GRIK4: variants seen among roughly 807,000 people sequenced by gnomAD.
GRIK4 encodes the protein glutamate ionotropic receptor kainate type subunit 4.
Under a neutral mutation model 104.9 loss-of-function variants are expected in GRIK4, and 40 were observed. That is an observed-to-expected ratio of 0.38 (90% confidence interval 0.30 to 0.50). GRIK4 has a LOEUF of 0.50. GRIK4 is among the 20% of genes least tolerant of loss of function. GRIK4 has a pLI of 0.93. For synonymous variants in GRIK4, 485 were observed against 524.9 expected, an observed-to-expected ratio of 0.92 and a Z score of 1.04; for missense variants, 1,047 against 1,308.1, an observed-to-expected ratio of 0.80 and a Z score of 3.08.
At chr11:120,957,345 C>T (rs1475151071) in intron 16 of GRIK4, among the ~76,000 whole-genome samples, 1 of 152,230 alleles carries the variant, frequency 6.6e-6, no homozygotes, top group Non-Finnish European at 1.5e-5. Flanking sequence ...AGGAGGAAGC[C>T]AGCCTGGCTG....
intron 3 of GRIK4, among the ~76,000 whole-genome samples, chr11:120,761,458 T>A (rs1444893687): frequency 6.6e-6 from 1 of 152,258 alleles, no homozygotes; most frequent in Non-Finnish European, 1.5e-5. Context: ...TTTAATTAGA[T>A]CCCATTTGTC....
At chr11:120,682,137 G>A (rs1950202123) in intron 3 of GRIK4, among the ~76,000 whole-genome samples, 1 of 152,230 alleles carries the variant, frequency 6.6e-6, no homozygotes, top group South Asian at 2.1e-4. Context: ...GACAGGGGCA[G>A]TGATTTCCAA....
chr11:120,908,860 G>A (rs1482797686), intron 13 of GRIK4, among the ~76,000 whole-genome samples: 2 of 152,214 alleles, frequency 1.3e-5, no homozygotes, highest in Non-Finnish European at 2.9e-5. Flanking sequence ...AAAGAAGTTG[G>A]TTCCCAAGAC....
chr11:120,636,978 T>C (rs35801991), intron 1 of GRIK4, among the ~76,000 whole-genome samples: 72,485 of 152,084 alleles, frequency 0.48, 17,509 homozygotes, highest in East Asian at 0.56. Flanking sequence ...CCCCCAGTGA[T>C]AAGCTGGTGC....
chr11:120,746,013 G>GT (rs1406801645), intron 3 of GRIK4, among the ~76,000 whole-genome samples: 1 of 152,134 alleles, frequency 6.6e-6, no homozygotes, highest in Non-Finnish European at 1.5e-5. Context: ...ACTTGGGGAT[G>GT]TTTTTTTAAC....
At chr11:120,714,416 A>G (rs1175889837) in intron 3 of GRIK4, among the ~76,000 whole-genome samples, 2 of 152,110 alleles carry the variant, frequency 1.3e-5, no homozygotes, top group African/African-American at 2.4e-5. Context: ...TTCAGCAGTT[A>G]TTTATTGAAC....
At chr11:120,907,290 G>C (rs1942889582) in intron 13 of GRIK4, among the ~76,000 whole-genome samples, 1 of 152,084 alleles carries the variant, frequency 6.6e-6, no homozygotes. Flanking sequence ...TGACTGGTAG[G>C]GTGACTTCAG....
At chr11:120,868,477 G>A (rs1398533104) in intron 9 of GRIK4, 1 of 140,464 alleles carries the variant, frequency 7.1e-6, no homozygotes, top group Non-Finnish European at 1.5e-5. Context: ...AGAGGCCATG[G>A]AAAGACAGAA....
chr11:120,555,496 C>T lies in GRIK4; in HGVS notation c.-159+43609C>T, dbSNP rs1470976916. Among the ~76,000 whole-genome samples, 1 of 152,352 alleles carries T rather than the reference C, an allele frequency of 6.6e-6. No homozygotes were observed. Among genetic ancestry groups the T allele is most frequent in the East Asian group, 1.9e-4 (1 of 5,192 alleles). ...AGCCAGCATTCACACACTTTCTCCT[C>T]TTCACTCAGTAAAATTTGCTCTGGG... is the stretch of plus-strand genomic sequence containing the variant. On this transcript the variant is annotated intron_variant, in intron 1 of 20. Transcript: ENST00000527524. The surrounding 1 kb of genome is among the most constrained non-coding windows in gnomAD (Gnocchi z 5.3).
In GRIK4 at chr11:120,555,709, C is replaced by T. The variant is rs999165817; in HGVS notation, c.-159+43822C>T. ...GCCCTCCTTCTGCCCAGGGTCCTTT[C>T]GACTTCTCAGGAAAGCTGCGGGTGG... On this transcript the variant is annotated intron_variant, in intron 1 of 20. Transcript: ENST00000527524. The surrounding 1 kb of genome is among the most constrained non-coding windows in gnomAD (Gnocchi z 5.3). Among the ~76,000 whole-genome samples, 31 of 152,156 alleles carry T rather than the reference C, an allele frequency of 2.0e-4. No homozygotes were observed. Among genetic ancestry groups the T allele is most frequent in the Admixed American group, 1.9e-3 (29 of 15,276 alleles).
chr11:120,725,782 C>T (rs1951018764), intron 3 of GRIK4, among the ~76,000 whole-genome samples: 1 of 151,958 alleles, frequency 6.6e-6, no homozygotes, highest in African/African-American at 2.4e-5. Flanking sequence ...GGGTCACTTT[C>T]TGTTCCCTTG....
At chr11:120,591,569 G>A (rs1255353086) in intron 1 of GRIK4, among the ~76,000 whole-genome samples, 7 of 152,166 alleles carry the variant, frequency 4.6e-5, no homozygotes, top group Admixed American at 4.6e-4. Flanking sequence ...GTGCACCCCA[G>A]CTGCCTTCTG....
intron 3 of GRIK4, among the ~76,000 whole-genome samples, chr11:120,710,771 G>A (rs920207429): frequency 9.2e-5 from 14 of 152,222 alleles, no homozygotes; most frequent in African/African-American, 3.4e-4. Context: ...CCTCAGGAAA[G>A]CAGAGTAAGC....
intron 11 of GRIK4, among the ~76,000 whole-genome samples, chr11:120,898,170 C>T (rs886499577): frequency 1.3e-5 from 2 of 152,124 alleles, no homozygotes; most frequent in South Asian, 4.2e-4. Flanking sequence ...GAAGGCAGGC[C>T]GGATCAAAAG....
rs912370926 is a variant in GRIK4, at chr11:120,597,215, C to T, written c.-158-56470C>T. Among the ~76,000 whole-genome samples the T allele has an allele frequency of 1.5e-4, 23 of 152,204 alleles. No homozygotes were observed. The East Asian group carries it at 1.5e-3, about 10-fold the overall frequency. ...GCCAGAGGCAGCTCCACTCACCTTG[C>T]GGGGCCGCTCCCTCTCCACCTGGGT... is the stretch of plus-strand genomic sequence containing the variant. On this transcript the variant is annotated intron_variant, in intron 1 of 20. Coordinates refer to ENST00000527524, the MANE Select transcript of GRIK4 (RefSeq NM_014619.5).
At chr11:120,529,410 A>T (rs1467689803) in intron 1 of GRIK4, among the ~76,000 whole-genome samples, 3 of 152,060 alleles carry the variant, frequency 2.0e-5, no homozygotes, top group Non-Finnish European at 4.4e-5. Context: ...CTTGGCTGTG[A>T]CCTCCTCCAC....
At chr11:120,630,369 T>G (rs11601540) in intron 1 of GRIK4, among the ~76,000 whole-genome samples, 4,069 of 152,336 alleles carry the variant, frequency 0.027, 79 homozygotes, top group Non-Finnish European at 0.041. Flanking sequence ...GAAACATGCT[T>G]GAAGAAGAGC....
intron 1 of GRIK4, among the ~76,000 whole-genome samples, chr11:120,569,298 T>C (rs1302124297): frequency 2.0e-5 from 3 of 152,256 alleles, no homozygotes; most frequent in Admixed American, 1.3e-4. Context: ...CAAGGATCTC[T>C]TTATGGTCTG....
chr11:120,793,730 G>A lies in GRIK4; in HGVS notation c.83-8963G>A, dbSNP rs551773817. Among the ~76,000 whole-genome samples, 4 of 152,088 alleles carry A rather than the reference G, an allele frequency of 2.6e-5. No homozygotes were observed. The East Asian group carries it at 7.7e-4, about 29-fold the overall frequency. On this transcript the variant is annotated intron_variant, in intron 3 of 20. Transcript: ENST00000527524. ...GTTACAGGTGAAGGGTGGTGTTAGG[G>A]GCTGAGAGCAGGTAGATGGTTTGAG...
Sources: gnomAD v4.1 joint callset for allele counts (sites outside exome capture counted in the v4.1 genomes callset) on GRCh38, gnomAD v4.1.1 for gene constraint, Gnocchi (gnomAD v3.1) non-coding constraint, MANE v1.5 for transcripts, NCBI Gene and HGNC (gene_info 2026-07-23, HGNC 2026-07-21) for gene names.